The following RHBDD3 variants were observed in gnomAD, a reference collection of about 807,000 sequenced individuals.
The protein encoded by RHBDD3 is rhomboid domain-containing protein 3.
A neutral mutation model predicts 32.3 loss-of-function variants in RHBDD3; 34 were observed. The observed-to-expected ratio is 1.05, with a 90% CI of 0.80 to 1.40. RHBDD3 has a LOEUF of 1.40. RHBDD3 is among the 40% of genes most tolerant of loss of function. The probability of loss-of-function intolerance (pLI) is 0.00; values close to 1 mark genes in which losing one functional copy is unlikely to be tolerated. For synonymous variants in RHBDD3, 249 were observed against 239.1 expected, an observed-to-expected ratio of 1.04 and a Z score of -0.38; for missense variants, 482 against 492.6, an observed-to-expected ratio of 0.98 and a Z score of 0.20.
intron 1 of RHBDD3, 55 bp downstream of exon 1, chr22:29,267,693 A>C (rs1372014106): frequency 6.2e-6 from 1 of 160,978 alleles, no homozygotes; most frequent in Non-Finnish European, 1.4e-5. Flanking sequence ...CACCCAGCCG[A>C]CCGGCCTTGG....
chr22:29,265,458 G>C lies in RHBDD3; in HGVS notation c.148+21C>G, dbSNP rs368327649. 5.0e-5 allele frequency: 75 copies of C among 1,502,336 alleles called. No homozygotes were observed. The African/African-American group carries it at 1.0e-3, about 20-fold the overall frequency. The allele number at this position is 1,502,336 out of a possible 1,614,324, so 93.1% of individuals were successfully genotyped here. A position where few individuals can be genotyped will look rare whatever the true frequency, so the allele number is the denominator to read the frequency against. ...CAGCAAGTCTCCTGCTTCCTCCAAG[G>C]TCCACGTGGCTGGCCCTCACCCTGC... On this transcript the variant is annotated intron_variant, in intron 3 of 6. Transcript: ENST00000216085.
Position 29,260,191 on chromosome 22 carries a change from C to A in RHBDD3, c.1030G>T (p.Val344Leu). The change falls in exon 7 of 7, where the codon GTG (valine) becomes TTG (leucine). Residue 344 changes from valine to leucine, a missense_variant. Transcript: ENST00000216085. ...RMGFPTEQAV[V>L]ALAATGRVEG... ...ACACGGCCTGTGGCTGCCAGTGCCA[C>A]CACCGCCTGCTCCGTAGGGAAGCCC... 1 of 1,593,240 alleles carries A rather than the reference C, an allele frequency of 6.3e-7. No individual in the cohort carries two copies. Among genetic ancestry groups the A allele is most frequent in the South Asian group, 1.1e-5 (1 of 87,990 alleles).
At chr22:29,261,653 T>A (rs1048971937) in intron 4 of RHBDD3, among the ~76,000 whole-genome samples, 10 of 151,964 alleles carry the variant, frequency 6.6e-5, no homozygotes, top group African/African-American at 2.4e-4. Flanking sequence ...CTAGCACGAC[T>A]TATTTATTTA....
At chr22:29,265,774 G>T in intron 2 of RHBDD3, 106 bp from the exon 3 acceptor site, 2 of 1,173,694 alleles carry the variant, frequency 1.7e-6, no homozygotes, top group Non-Finnish European at 2.3e-6. Flanking sequence ...GTGGAAACAG[G>T]CTGGAGACGC....
intron 4 of RHBDD3, 72 bp from the exon 5 acceptor site, chr22:29,260,936 C>T (rs772396235): frequency 6.3e-5 from 89 of 1,406,192 alleles, no homozygotes; most frequent in Non-Finnish European, 7.4e-5. Flanking sequence ...CGCCACAGGC[C>T]AGGCCCCATG....
chr22:29,260,260 T>C, intron 6 of RHBDD3, 23 bp from the exon 7 acceptor site: 2 of 1,603,578 alleles, frequency 1.2e-6, no homozygotes, highest in South Asian at 1.1e-5. Context: ...GGGGGAGAAG[T>C]GGGGAGTGTC....
rs1164211035 is a variant in RHBDD3 at position 29,263,817 on chromosome 22, G to C, written c.532+18C>G. ...AACCCACACATCCCCACGGGCCCTG[G>C]GCTCAGGCAAAGGATACAGGCCAGG... On this transcript the variant is annotated intron_variant, in intron 4 of 6. Transcript: ENST00000216085. 6.7e-7 allele frequency: 1 copy of C among 1,503,060 alleles called. No individual in the cohort carries two copies. Among genetic ancestry groups the C allele is most frequent in the Non-Finnish European group, 8.9e-7 (1 of 1,119,364 alleles). The allele number at this position is 1,503,060 out of a possible 1,614,324, so 93.1% of individuals were successfully genotyped here.
At position 29,260,780 on chromosome 22, in the gene RHBDD3, G is replaced by C; in HGVS notation, c.617C>G (p.Ala206Gly). 3 of 1,602,538 alleles carry C rather than the reference G, an allele frequency of 1.9e-6. No individual in the cohort carries two copies. The highest frequency in any genetic ancestry group is 2.6e-6 in the Non-Finnish European group (3 of 1,176,142). ...LQEGVLCRTL[A>G]GCWPLRLLAT... ...AAGGAGCCTCAGGGGCCAGCACCCC[G>C]CCAAGGTCCTGCACAAGACGCCCTC... Residue 206 changes from alanine (A) to glycine (G), a missense_variant, in exon 5 of 7, where the codon GCG (alanine) becomes GGG (glycine). Ala to Gly is a moderately conservative substitution (Grantham distance 60). Transcript: ENST00000216085.
At chr22:29,266,373 G>A (rs547818958) in intron 2 of RHBDD3, among the ~76,000 whole-genome samples, 2 of 152,290 alleles carry the variant, frequency 1.3e-5, no homozygotes, top group South Asian at 4.1e-4. Flanking sequence ...TTACAGATGA[G>A]CCTCTCCTTT....
intron 1 of RHBDD3, 33 bp downstream of exon 1, chr22:29,267,715 C>T (rs1179530215): frequency 1.8e-5 from 3 of 164,800 alleles, no homozygotes; most frequent in South Asian, 1.9e-4. Context: ...GACCCTTCCC[C>T]GCTGGCCCGG....
chr22:29,261,676 A>G (rs2058122608), intron 4 of RHBDD3, among the ~76,000 whole-genome samples: 1 of 152,114 alleles, frequency 6.6e-6, no homozygotes, highest in South Asian at 2.1e-4. Flanking sequence ...TATTTTTGAG[A>G]CAGAGTCTCA....
chr22:29,265,806 G>A, intron 2 of RHBDD3, 138 bp from the exon 3 acceptor site: 1 of 809,074 alleles, frequency 1.2e-6, no homozygotes, highest in Non-Finnish European at 1.8e-6. Context: ...CTTGGCCTTA[G>A]TGGAGCTCAG....
In RHBDD3 at chr22:29,260,364, G is replaced by A. The variant is rs758042877; in HGVS notation, c.945C>T (p.Ser315=). The change falls in exon 6 of 7, where the codon AGC becomes AGT. Residue 315 remains serine (S), a synonymous_variant. Coordinates refer to ENST00000216085, the MANE Select transcript of RHBDD3 (RefSeq NM_012265.3). Reference sequence around the variant, plus strand: ...CAGAGGACTTGGACAGCCATGGTGCGCTCTGGGGTTCCTGGGCTGGCCCGT... The same window carrying A: ...CAGAGGACTTGGACAGCCATGGTGCACTCTGGGGTTCCTGGGCTGGCCCGT... ...LLDGPAQEPQ[S]APWLSKSSVS... is the part of the protein sequence containing the mutation. 5.6e-6 allele frequency: 9 copies of A among 1,611,992 alleles called. No homozygotes were observed. Among genetic ancestry groups the A allele is most frequent in the African/African-American group, 4.0e-5 (3 of 74,928 alleles).
rs906958993 is a variant in RHBDD3 at position 29,267,758 on chromosome 22, G to C, written c.-205C>G. On this transcript the variant is annotated 5_prime_UTR_variant, in exon 1 of 7. Coordinates refer to ENST00000216085, the MANE Select transcript of RHBDD3 (RefSeq NM_012265.3). ...GTCCCGGGTACTCACTGCAGAGCGCGCCCGGCAACCCCGAAAGGCCGGTCG... is the reference window on the plus strand; with the variant it reads ...GTCCCGGGTACTCACTGCAGAGCGCCCCCGGCAACCCCGAAAGGCCGGTCG... 1.2e-5 allele frequency: 2 copies of C among 173,712 alleles called. No individual in the cohort carries two copies. The highest frequency in any genetic ancestry group is 1.0e-4 in the East Asian group (1 of 9,526). The allele number at this position is 173,712 out of a possible 1,614,324, so 10.8% of individuals were successfully genotyped here.
chr22:29,266,028 C>T (rs2058172113), intron 2 of RHBDD3, among the ~76,000 whole-genome samples: 1 of 152,218 alleles, frequency 6.6e-6, no homozygotes, highest in Non-Finnish European at 1.5e-5. Flanking sequence ...TCCCTCCTTC[C>T]TCCCCTCCCC....
chr22:29,261,128 C>T, intron 4 of RHBDD3: 2 of 598,262 alleles, frequency 3.3e-6, no homozygotes, highest in Non-Finnish European at 6.0e-6. Flanking sequence ...ACTCTGTTCC[C>T]AGAACCCTAT....
At chr22:29,264,399 C>T in intron 3 of RHBDD3, 181 bp from the exon 4 acceptor site, 1 of 1,420,124 alleles carries the variant, frequency 7.0e-7, no homozygotes, top group Non-Finnish European at 9.2e-7. Flanking sequence ...CAAGGACTTC[C>T]AAACACTGTG....
chr22:29,261,332 C>G, intron 4 of RHBDD3: 1 of 470,862 alleles, frequency 2.1e-6, no homozygotes, highest in Non-Finnish European at 4.4e-6. Flanking sequence ...CAGTGGCTCA[C>G]AGCTGTATAA....
Position 29,263,923 on chromosome 22 carries a change from CGACAGCCACGGT to C in RHBDD3, c.432_443del (p.Ser148_Leu151del). Reference sequence around the variant, plus strand: ...GGGTCAGGGCAAGCAGCAGCCACGGCGACAGCCACGGTGGCAGTGCCCCACGGGGCCGTCTAG... The same window carrying C: ...GGGTCAGGGCAAGCAGCAGCCACGGCGGCAGTGCCCCACGGGGCCGTCTAG... On this transcript the variant is annotated inframe_deletion, in exon 4 of 7. Coordinates refer to ENST00000216085, the MANE Select transcript of RHBDD3 (RefSeq NM_012265.3). The C allele has an allele frequency of 1.9e-6, 3 of 1,549,732 alleles. No individual in the cohort carries two copies. Among genetic ancestry groups the C allele is most frequent in the African/African-American group, 1.4e-5 (1 of 73,228 alleles).
Sources: gnomAD v4.1 joint callset for allele counts (sites outside exome capture counted in the v4.1 genomes callset) on GRCh38, gnomAD v4.1.1 for gene constraint, MANE v1.5 for transcripts, NCBI Gene and HGNC (gene_info 2026-07-23, HGNC 2026-07-21) for gene names.